Variants in CHD9 observed in about 807,000 individuals in gnomAD.
CHD9 encodes ATP-dependent chromatin remodeler CHD9.
Under a neutral mutation model 316.1 loss-of-function variants are expected in CHD9, and 77 were observed. That is an observed-to-expected ratio of 0.24 (90% confidence interval 0.20 to 0.29). CHD9 has a LOEUF of 0.29. CHD9 is among the 10% of genes least tolerant of loss of function. CHD9 has a pLI of 1.00. For synonymous variants in CHD9, 1,129 were observed against 1,158.3 expected, an observed-to-expected ratio of 0.97 and a Z score of 0.51; for missense variants, 2,763 against 3,438.1, an observed-to-expected ratio of 0.80 and a Z score of 4.91.
rs367926311 is a variant in CHD9, at chr16:53,307,824, A to G, written c.6924A>G (p.Thr2308=). The change falls in exon 33 of 39, where the codon ACA becomes ACG. Residue 2308 remains threonine (T), a synonymous_variant. Coordinates refer to ENST00000447540, the MANE Select transcript of CHD9 (RefSeq NM_001308319.2). Reference sequence around the variant, plus strand: ...TGCTGGACAGCCCTGGAGCAGCTACAGAATACAGCGATCCCAGTGTACCCA... The same window carrying G: ...TGCTGGACAGCCCTGGAGCAGCTACGGAATACAGCGATCCCAGTGTACCCA... ...TKLLDSPGAA[T]EYSDPSVPTP... The G allele has an allele frequency of 1.4e-5, 22 of 1,613,708 alleles. No homozygotes were observed. In the African/African-American group the frequency reaches 2.7e-4, roughly 20 times the overall value.
intron 1 of CHD9, among the ~76,000 whole-genome samples, chr16:53,090,617 A>G (rs2152552399): frequency 6.6e-6 from 1 of 152,286 alleles, no homozygotes; most frequent in South Asian, 2.1e-4. Flanking sequence ...GGTTCATGGC[A>G]GGTGGCCTTT....
At chr16:53,300,909 C>T (rs1597903949) in intron 30 of CHD9, among the ~76,000 whole-genome samples, 1 of 152,108 alleles carries the variant, frequency 6.6e-6, no homozygotes, top group East Asian at 1.9e-4. Flanking sequence ...CTTGTCTATA[C>T]TAAAAATACA....
At position 53,278,364 on chromosome 16, in the gene CHD9, A is replaced by G. The variant is rs144290091; in HGVS notation, c.4967+4062A>G. Among the ~76,000 whole-genome samples the G allele has an allele frequency of 2.4e-3, 363 of 152,330 alleles. 3 individuals carry two copies. Among genetic ancestry groups the G allele is most frequent in the African/African-American group, 8.4e-3 (351 of 41,580 alleles). ...ACATTACCTGATTTCAAGTTGTACT[A>G]TCAGGCCATAGTCACCAAAACAGCA... is the stretch of plus-strand genomic sequence containing the variant. On this transcript the variant is annotated intron_variant, in intron 24 of 38. Transcript: ENST00000447540.
intron 2 of CHD9, among the ~76,000 whole-genome samples, chr16:53,165,893 T>C (rs2042240266): frequency 6.6e-6 from 1 of 152,124 alleles, no homozygotes; most frequent in Admixed American, 6.5e-5. Context: ...TTATAAAATA[T>C]TTAGATTGTC....
intron 27 of CHD9, among the ~76,000 whole-genome samples, chr16:53,289,276 G>GA (rs1195429025): frequency 6.6e-6 from 1 of 152,154 alleles, no homozygotes; most frequent in Non-Finnish European, 1.5e-5. Context: ...GGAAAAGGCT[G>GA]AGGGCAGTGT....
chr16:53,097,378 TC>T (rs371838764), intron 1 of CHD9, among the ~76,000 whole-genome samples: 64,612 of 150,168 alleles, frequency 0.43, 14,907 homozygotes, highest in African/African-American at 0.58. Flanking sequence ...CTTCCTTCCT[TC>T]CTTCCTTCCT....
intron 27 of CHD9, among the ~76,000 whole-genome samples, chr16:53,288,722 G>A (rs1484091026): frequency 6.6e-6 from 1 of 152,114 alleles, no homozygotes; most frequent in Non-Finnish European, 1.5e-5. Flanking sequence ...AGTAATTACT[G>A]ACAAACAGCA....
chr16:53,085,192 C>T (rs1355024761), intron 1 of CHD9, among the ~76,000 whole-genome samples: 1 of 151,948 alleles, frequency 6.6e-6, no homozygotes, highest in South Asian at 2.1e-4. Flanking sequence ...TTGCTGTCTC[C>T]AGTCCCCACC....
At chr16:53,293,545 G>A (rs1457239435) in intron 29 of CHD9, among the ~76,000 whole-genome samples, 1 of 152,102 alleles carries the variant, frequency 6.6e-6, no homozygotes, top group Non-Finnish European at 1.5e-5. Flanking sequence ...GAGCCCAGAA[G>A]GTCCGTGCTG....
intron 1 of CHD9, among the ~76,000 whole-genome samples, chr16:53,137,162 C>T (rs576264512): frequency 2.0e-5 from 3 of 152,050 alleles, no homozygotes; most frequent in South Asian, 2.1e-4. Flanking sequence ...TTAGTAGAGA[C>T]GGGGTTTCAC....
At position 53,090,290 on chromosome 16, in the gene CHD9, C is replaced by G. The variant is rs79344171; in HGVS notation, c.-165+35213C>G. ...GTGAGAACAAAATGAGCTTCCTGACCGAGCCTGGGAGAAGGATGGGGCTGA... is the reference window on the plus strand; with the variant it reads ...GTGAGAACAAAATGAGCTTCCTGACGGAGCCTGGGAGAAGGATGGGGCTGA... On this transcript the variant is annotated intron_variant, in intron 1 of 38. Transcript: ENST00000447540. Among the ~76,000 whole-genome samples, 48 of 152,188 alleles carry G rather than the reference C, an allele frequency of 3.2e-4. No homozygotes were observed. In the East Asian group the frequency reaches 8.9e-3, roughly 28 times the overall value.
chr16:53,090,495 C>A (rs1403612223), intron 1 of CHD9, among the ~76,000 whole-genome samples: 4 of 152,210 alleles, frequency 2.6e-5, no homozygotes, highest in Admixed American at 2.0e-4. Context: ...CAGTCGAGAT[C>A]TCTTCTTCAG....
intron 1 of CHD9, among the ~76,000 whole-genome samples, chr16:53,108,066 A>C (rs762528123): frequency 1.2e-4 from 19 of 152,196 alleles, no homozygotes; most frequent in Non-Finnish European, 1.5e-4. Flanking sequence ...CCTTTCAAAT[A>C]AAGTCATAAA....
intron 1 of CHD9, among the ~76,000 whole-genome samples, chr16:53,133,532 T>C (rs1479813081): frequency 1.3e-5 from 2 of 152,162 alleles, no homozygotes; most frequent in African/African-American, 4.8e-5. Context: ...ACTTTGTCAC[T>C]TAACTGTGTA....
At chr16:53,209,905 C>T (rs1041965692) in intron 3 of CHD9, 92 bp downstream of exon 3, 2 of 880,616 alleles carry the variant, frequency 2.3e-6, no homozygotes, top group Middle Eastern at 3.5e-4. Context: ...AGTATATTTA[C>T]TCCCATATTT....
At chr16:53,196,392 A>T (rs535103055) in intron 2 of CHD9, among the ~76,000 whole-genome samples, 1 of 152,266 alleles carries the variant, frequency 6.6e-6, no homozygotes, top group East Asian at 1.9e-4. Flanking sequence ...GGCATTAATT[A>T]TATTTGTAAA....
In CHD9 at chr16:53,324,038, A is replaced by G; in HGVS notation, c.7837A>G (p.Met2613Val). Residue 2613 changes from methionine to valine, a missense_variant, in exon 39 of 39, where the codon ATG becomes GTG. This residue lies in a region of CHD9 where 298 missense variants were observed against 380.2 expected (regional missense o/e 0.78). Coordinates refer to ENST00000447540, the MANE Select transcript of CHD9 (RefSeq NM_001308319.2). ...CTTCCAGGGATTTCTTCCAGAAAGC[A>G]TGTATGAACGTATTCTCACTGGTCC... ...VKQSGFLPESMYERILTGPVV... is the reference protein window; with the variant it reads ...VKQSGFLPESVYERILTGPVV... 6.2e-7 allele frequency: 1 copy of G among 1,605,816 alleles called. No homozygotes were observed. The highest frequency in any genetic ancestry group is 8.5e-7 in the Non-Finnish European group (1 of 1,173,540).
intron 1 of CHD9, among the ~76,000 whole-genome samples, chr16:53,088,090 T>C (rs2035619808): frequency 6.6e-6 from 1 of 152,108 alleles, no homozygotes; most frequent in Non-Finnish European, 1.5e-5. Flanking sequence ...CCTTACGTCT[T>C]GGCTCCATAT....
intron 1 of CHD9, among the ~76,000 whole-genome samples, chr16:53,073,599 G>T (rs765514221): frequency 9.9e-5 from 15 of 152,200 alleles, no homozygotes; most frequent in Non-Finnish European, 2.1e-4. Context: ...CCTGTGGTGG[G>T]AGCGGCCCAG....
Sources: allele counts gnomAD v4.1 joint callset (sites outside exome capture counted in the v4.1 genomes callset), GRCh38; gene constraint gnomAD v4.1.1; regional missense constraint gnomAD v4.1.1; transcripts MANE v1.5; gene names NCBI Gene and HGNC (gene_info 2026-07-23, HGNC 2026-07-21).